The following CACNA1C variants were observed in gnomAD, a reference collection of about 807,000 sequenced individuals.
The protein encoded by CACNA1C is voltage-dependent L-type calcium channel subunit alpha-1C.
CACNA1C carries 30 observed loss-of-function variants against 229.0 expected under a neutral mutation model. The observed-to-expected ratio is 0.13, with a 90% CI of 0.10 to 0.18. The LOEUF is 0.18. CACNA1C is among the 10% of genes least tolerant of loss of function. The pLI is 1.00. For missense variants in CACNA1C, 1,658 were observed against 2,845.0 expected (o/e 0.58, Z 9.49); for synonymous variants, 1,114 against 1,132.5 (o/e 0.98, Z 0.33).
rs555911141 is a variant in CACNA1C at position 2,662,110 on chromosome 12, C to G, written c.4233-2715C>G. Among the ~76,000 whole-genome samples, 429 of 151,978 alleles carry G rather than the reference C, an allele frequency of 2.8e-3. 5 individuals carry two copies. The highest frequency in any genetic ancestry group is 0.01 in the African/African-American group (415 of 41,496). On this transcript the variant is annotated intron_variant, in intron 34 of 46. Coordinates refer to ENST00000399655, the MANE Select transcript of CACNA1C (RefSeq NM_000719.7). ...ACAAAAAATTAGCCGGGCGTGGTAG[C>G]AGGCGCCTGTAGTCCCAGCTACTCA...
At chr12:2,468,053 G>A (rs971408679) in intron 5 of CACNA1C, among the ~76,000 whole-genome samples, 34 of 152,220 alleles carry the variant, frequency 2.2e-4, no homozygotes, top group Non-Finnish European at 4.0e-4. Flanking sequence ...GAAGGGAAGA[G>A]GCCCGCCATG....
At chr12:2,190,773 C>T (rs1015186564) in intron 3 of CACNA1C, among the ~76,000 whole-genome samples, 2 of 152,208 alleles carry the variant, frequency 1.3e-5, no homozygotes, top group African/African-American at 4.8e-5. Flanking sequence ...TTCTTGTTCA[C>T]ATCACAGCCC....
intron 1 of CACNA1C, chr12:1,991,992 C>A: frequency 4.3e-6 from 1 of 231,930 alleles, no homozygotes; most frequent in South Asian, 4.9e-5. Flanking sequence ...CAAAAAAAAC[C>A]CTGACATAAC....
intron 3 of CACNA1C, among the ~76,000 whole-genome samples, chr12:2,245,561 T>C (rs1172822434): frequency 6.6e-6 from 1 of 152,216 alleles, no homozygotes; most frequent in African/African-American, 2.4e-5. Context: ...AAGGCAGCAG[T>C]TATACTATTT....
At chr12:2,435,952 A>G (rs1596195893) in intron 3 of CACNA1C, among the ~76,000 whole-genome samples, 2 of 152,164 alleles carry the variant, frequency 1.3e-5, no homozygotes, top group South Asian at 2.1e-4. Flanking sequence ...GGAAAAGGAG[A>G]CCGAGAGGCT....
At chr12:2,465,576 A>G (rs2099545309) in intron 5 of CACNA1C, among the ~76,000 whole-genome samples, 1 of 152,108 alleles carries the variant, frequency 6.6e-6, no homozygotes. Flanking sequence ...GGGTCGTGAG[A>G]GCCAGGAGAC....
In CACNA1C at chr12:2,566,254, C is replaced by T. The variant is rs1184860024; in HGVS notation, c.1509-168C>T. On this transcript the variant is annotated intron_variant, in intron 11 of 46. Coordinates refer to ENST00000399655, the MANE Select transcript of CACNA1C (RefSeq NM_000719.7). This position sits in a 1 kb window ranked among gnomAD's most constrained non-coding sequence, Gnocchi z 4.0. ...GAGTTCAGGGGCATCCCCAAGGCGG[C>T]AGGGCCTGGTTAGCTGGATGAGAAG... Among the ~76,000 whole-genome samples, 2 of 152,182 alleles carry T rather than the reference C, an allele frequency of 1.3e-5. No individual in the cohort carries two copies. Among genetic ancestry groups the T allele is most frequent in the Non-Finnish European group, 2.9e-5 (2 of 68,032 alleles).
chr12:2,092,459 C>T (rs573915262), intron 1 of CACNA1C, among the ~76,000 whole-genome samples: 26 of 152,274 alleles, frequency 1.7e-4, no homozygotes, highest in African/African-American at 2.6e-4. Flanking sequence ...CATGGGCATC[C>T]GTATTCAAGG....
chr12:2,610,519 C>T (rs1315160360), intron 27 of CACNA1C, 22 bp from the exon 28 acceptor site: 1 of 1,603,494 alleles, frequency 6.2e-7, no homozygotes, highest in Admixed American at 1.7e-5. Flanking sequence ...CCCACTCTCC[C>T]CATCCTCCAC....
chr12:2,497,716 A>T (rs998522961), intron 7 of CACNA1C, among the ~76,000 whole-genome samples: 1 of 151,714 alleles, frequency 6.6e-6, no homozygotes, highest in African/African-American at 2.4e-5. Flanking sequence ...ATTTTTTTTT[A>T]CAAGTTAAAA....
At position 2,177,630 on chromosome 12, in the gene CACNA1C, C is replaced by CTT. The variant is rs1555275084; in HGVS notation, c.477+57201_477+57202insTT. On this transcript the variant is annotated intron_variant, in intron 3 of 46. Coordinates refer to ENST00000399655, the MANE Select transcript of CACNA1C (RefSeq NM_000719.7). Reference sequence around the variant, plus strand: ...CTTCCTTCCTTCCTTCCTTCCTTCTCTCTCTCTTTCTTTCTTTCTTTCTTT... The same window carrying CTT: ...CTTCCTTCCTTCCTTCCTTCCTTCTCTTTCTCTCTTTCTTTCTTTCTTTCTTT... Among the ~76,000 whole-genome samples, 707 of 70,706 alleles carry CTT rather than the reference C, an allele frequency of 1.0e-2. 29 individuals carry two copies. The highest frequency in any genetic ancestry group is 0.011 in the Admixed American group (62 of 5,876). 46.4% of individuals were successfully genotyped at this position (70,706 alleles called of 152,430 possible).
At chr12:2,338,241 A>G (rs1032547471) in intron 3 of CACNA1C, among the ~76,000 whole-genome samples, 3 of 152,198 alleles carry the variant, frequency 2.0e-5, no homozygotes, top group Admixed American at 1.3e-4. Flanking sequence ...GCTAATTAGC[A>G]GCAAACGTCT....
At chr12:2,417,130 A>G (rs974183735) in intron 3 of CACNA1C, among the ~76,000 whole-genome samples, 8 of 152,238 alleles carry the variant, frequency 5.3e-5, no homozygotes, top group Admixed American at 4.6e-4. Flanking sequence ...CTTTGGTCCA[A>G]TGGTGAAATC....
chr12:2,003,596 T>C (rs2042681873), intron 1 of CACNA1C, among the ~76,000 whole-genome samples: 1 of 152,224 alleles, frequency 6.6e-6, no homozygotes, highest in African/African-American at 2.4e-5. Flanking sequence ...TTCATTCCAT[T>C]ACCATTTACT....
rs1026982220 is a variant in CACNA1C, at chr12:2,479,909, G to A, written c.758-6195G>A. The stretch of plus-strand genomic sequence containing the variant: ...GCCCTCTCTTCTGTTGGATTGGGTC[G>A]CTGAGAAGTTGTGGTTAAGATTGCC... On this transcript the variant is annotated intron_variant, in intron 5 of 46. Transcript: ENST00000399655. The surrounding 1 kb of genome is among the most constrained non-coding windows in gnomAD (Gnocchi z 4.3). 1.3e-4 allele frequency among the ~76,000 whole-genome samples: 20 copies of A among 152,130 alleles called. No individual in the cohort carries two copies. The highest frequency in any genetic ancestry group is 4.8e-4 in the African/African-American group (20 of 41,422).
At chr12:2,635,452 C>T (rs761535271) in intron 30 of CACNA1C, among the ~76,000 whole-genome samples, 6 of 152,160 alleles carry the variant, frequency 3.9e-5, no homozygotes, top group Non-Finnish European at 5.9e-5. Context: ...ATGCACTGAA[C>T]TATTGAATAA....
At chr12:2,433,056 C>T (rs935768336) in intron 3 of CACNA1C, among the ~76,000 whole-genome samples, 1 of 152,232 alleles carries the variant, frequency 6.6e-6, no homozygotes, top group Non-Finnish European at 1.5e-5. Flanking sequence ...GAATGAGGTT[C>T]CTGTTCCACG....
At position 2,384,193 on chromosome 12, in the gene CACNA1C, C is replaced by T. The variant is rs969169503; in HGVS notation, c.478-64783C>T. Among the ~76,000 whole-genome samples the T allele has an allele frequency of 9.2e-5, 14 of 152,234 alleles. 1 individual carries two copies. The highest frequency in any genetic ancestry group is 1.5e-5 in the Non-Finnish European group (1 of 68,038). ...AGTTTTCTCGCAGGTGACTCATCTG[C>T]ATGCTCCTTGGCGGAGAATCGCGGG... On this transcript the variant is annotated intron_variant, in intron 3 of 46. Coordinates refer to ENST00000399655, the MANE Select transcript of CACNA1C (RefSeq NM_000719.7).
chr12:2,475,097 A>G (rs1275829433), intron 5 of CACNA1C, among the ~76,000 whole-genome samples: 1 of 152,148 alleles, frequency 6.6e-6, no homozygotes, highest in Non-Finnish European at 1.5e-5. Flanking sequence ...CAGGAGATCG[A>G]GACCATCCTG....
Sources: allele counts gnomAD v4.1 joint callset (sites outside exome capture counted in the v4.1 genomes callset), GRCh38; gene constraint gnomAD v4.1.1; non-coding constraint Gnocchi (gnomAD v3.1); transcripts MANE v1.5; gene names NCBI Gene and HGNC (gene_info 2026-07-23, HGNC 2026-07-21).